Variants in ETV6 observed in about 807,000 individuals in gnomAD.
ETV6 encodes ETS variant transcription factor 6.
A neutral mutation model predicts 51.1 loss-of-function variants in ETV6; 16 were observed. The ratio of observed to expected loss-of-function variants is 0.31; its 90% CI spans 0.21 to 0.48. The LOEUF (loss-of-function observed/expected upper bound fraction) is 0.48. Among genes scored for constraint, ETV6 ranks in the 20% least tolerant of loss-of-function variants. ETV6 has a pLI of 0.99. For synonymous variants in ETV6, 240 were observed against 224.1 expected (o/e 1.07, Z -0.64); for missense variants, 458 against 594.8 (o/e 0.77, Z 2.39).
intron 2 of ETV6, among the ~76,000 whole-genome samples, chr12:11,802,636 G>A (rs375531803): frequency 9.8e-5 from 15 of 152,310 alleles, no homozygotes; most frequent in African/African-American, 3.4e-4. Context: ...CTTGCAGGAC[G>A]ACCAATCTTA....
intron 1 of ETV6, among the ~76,000 whole-genome samples, chr12:11,735,765 A>G (rs1173027729): frequency 6.6e-6 from 1 of 152,064 alleles, no homozygotes. Context: ...CGCCTGGCTA[A>G]TTTTTGGTAT....
At chr12:11,667,071 T>C (rs1001059881) in intron 1 of ETV6, among the ~76,000 whole-genome samples, 9 of 152,226 alleles carry the variant, frequency 5.9e-5, no homozygotes, top group African/African-American at 2.2e-4. Context: ...TTTAAGAAGC[T>C]GCTCAGGTAG....
At chr12:11,746,230 C>G (rs1865906124) in intron 1 of ETV6, among the ~76,000 whole-genome samples, 1 of 152,162 alleles carries the variant, frequency 6.6e-6, no homozygotes, top group African/African-American at 2.4e-5. Flanking sequence ...TTGGAATTCC[C>G]CATTGTGAAG....
At chr12:11,851,540 T>A (rs1325842263) in intron 3 of ETV6, among the ~76,000 whole-genome samples, 1 of 152,208 alleles carries the variant, frequency 6.6e-6, no homozygotes, top group Non-Finnish European at 1.5e-5. Flanking sequence ...GAAGCCGTTC[T>A]CAGCTCTCAA....
chr12:11,847,817 A>G (rs995812225), intron 3 of ETV6, among the ~76,000 whole-genome samples: 21 of 152,182 alleles, frequency 1.4e-4, no homozygotes, highest in Non-Finnish European at 2.9e-4. Flanking sequence ...AGTTCCTAAC[A>G]GGGAGGATGG....
intron 1 of ETV6, among the ~76,000 whole-genome samples, chr12:11,686,041 G>A (rs571975934): frequency 6.6e-6 from 1 of 152,328 alleles, no homozygotes; most frequent in South Asian, 2.1e-4. Context: ...AAATTCCATT[G>A]TGTTATAAGA....
At chr12:11,675,313 CA>C (rs1555113096) in intron 1 of ETV6, among the ~76,000 whole-genome samples, 1 of 152,158 alleles carries the variant, frequency 6.6e-6, no homozygotes, top group Non-Finnish European at 1.5e-5. Context: ...AGCAAATAAA[CA>C]AAAAGCCCCT....
At chr12:11,717,418 CAG>C (rs1865297896) in intron 1 of ETV6, among the ~76,000 whole-genome samples, 1 of 152,192 alleles carries the variant, frequency 6.6e-6, no homozygotes, top group African/African-American at 2.4e-5. Flanking sequence ...GGGATTCAGA[CAG>C]AGTGTAGTAA....
chr12:11,811,472 G>A (rs1397663438), intron 2 of ETV6, among the ~76,000 whole-genome samples: 1 of 152,032 alleles, frequency 6.6e-6, no homozygotes, highest in Non-Finnish European at 1.5e-5. Context: ...TCTACCATTA[G>A]CAGTTTACTC....
intron 5 of ETV6, among the ~76,000 whole-genome samples, chr12:11,880,353 C>T (rs1947071247): frequency 6.6e-6 from 1 of 152,116 alleles, no homozygotes; most frequent in African/African-American, 2.4e-5. Context: ...AAAAGTTTGC[C>T]GGATACAAAT....
intron 2 of ETV6, among the ~76,000 whole-genome samples, chr12:11,836,941 G>C (rs1022779780): frequency 2.6e-5 from 4 of 152,222 alleles, no homozygotes; most frequent in Non-Finnish European, 4.4e-5. Flanking sequence ...GGAACTCCCT[G>C]TGTGAAGGAG....
chr12:11,687,341 C>T (rs187735701), intron 1 of ETV6, among the ~76,000 whole-genome samples: 9 of 151,576 alleles, frequency 5.9e-5, no homozygotes, highest in African/African-American at 1.2e-4. Context: ...TCACCATGCC[C>T]GGCTAATTTT....
chr12:11,786,836 G>A (rs1224080660), intron 2 of ETV6, among the ~76,000 whole-genome samples: 1 of 152,208 alleles, frequency 6.6e-6, no homozygotes, highest in Non-Finnish European at 1.5e-5. Context: ...CTCATATCAA[G>A]AGAGCAGATG....
intron 1 of ETV6, among the ~76,000 whole-genome samples, chr12:11,737,436 G>A (rs1485270453): frequency 1.3e-5 from 2 of 152,228 alleles, no homozygotes; most frequent in Non-Finnish European, 2.9e-5. Context: ...TGTTGAGGTT[G>A]TAGGATAATT....
chr12:11,703,309 A>C (rs1671948111), intron 1 of ETV6, among the ~76,000 whole-genome samples: 1 of 150,196 alleles, frequency 6.7e-6, no homozygotes, highest in African/African-American at 2.4e-5. Context: ...TGCATTAGTC[A>C]GTCCTTATTT....
At chr12:11,696,891 A>G (rs1320683458) in intron 1 of ETV6, among the ~76,000 whole-genome samples, 1 of 152,204 alleles carries the variant, frequency 6.6e-6, no homozygotes, top group African/African-American at 2.4e-5. Flanking sequence ...CTAGAATGCA[A>G]ACTCCTTGAG....
Position 11,814,426 on chromosome 12 carries a change from AT to A in ETV6, c.164-24705del, listed in dbSNP as rs908335420. On this transcript the variant is annotated intron_variant, in intron 2 of 7. Transcript: ENST00000396373. ...GATCTCAAACCTGACAGGTAAACAAATTTTTTTTTCAGAGTAAGTATTGCAG... is the reference window on the plus strand; with the variant it reads ...GATCTCAAACCTGACAGGTAAACAAATTTTTTTTCAGAGTAAGTATTGCAG... Among the ~76,000 whole-genome samples the A allele has an allele frequency of 1.2e-4, 18 of 151,896 alleles. No individual in the cohort carries two copies. The East Asian group carries it at 3.3e-3, about 28-fold the overall frequency.
intron 2 of ETV6, among the ~76,000 whole-genome samples, chr12:11,789,028 T>TTTG (rs577196378): frequency 1.3e-5 from 2 of 152,094 alleles, no homozygotes; most frequent in Non-Finnish European, 2.9e-5. Context: ...ATTTATTGTT[T>TTTG]TTGTTGTTGT....
At chr12:11,784,474 AAG>A (rs1361850725) in intron 2 of ETV6, among the ~76,000 whole-genome samples, 1 of 151,366 alleles carries the variant, frequency 6.6e-6, no homozygotes, top group Non-Finnish European at 1.5e-5. Context: ...AAAAAAAAAA[AAG>A]ATACAGAATT....
Sources: gnomAD v4.1 joint callset for allele counts (sites outside exome capture counted in the v4.1 genomes callset) on GRCh38, gnomAD v4.1.1 for gene constraint, MANE v1.5 for transcripts, NCBI Gene and HGNC (gene_info 2026-07-23, HGNC 2026-07-21) for gene names.